The following NCOR1 variants were observed in gnomAD, a reference collection of about 807,000 sequenced individuals.
The protein encoded by NCOR1 is protein phosphatase 1, regulatory subunit 109.
NCOR1 carries 63 observed loss-of-function variants against 288.1 expected under a neutral mutation model. The observed-to-expected ratio is 0.22, with a 90% CI of 0.18 to 0.27. The LOEUF is 0.27. Ranked by LOEUF, NCOR1 falls within the 10% of genes least tolerant of loss-of-function variation. The pLI, the probability that NCOR1 is intolerant of heterozygous loss-of-function variation, is 1.00. For missense variants in NCOR1, 2,397 were observed against 3,019.2 expected (o/e 0.79, Z 4.83); for synonymous variants, 1,007 against 1,065.9 (o/e 0.94, Z 1.08).
In NCOR1 at chr17:16,080,537, A is replaced by G. The variant is rs756183581; in HGVS notation, c.3299-28T>C. 6.2e-6 allele frequency: 10 copies of G among 1,613,772 alleles called. No individual in the cohort carries two copies. In the East Asian group the frequency reaches 1.8e-4, roughly 29 times the overall value. Reference sequence around the variant, plus strand: ...GTGGAAAGGCAGAGAAACATGAAACAATCCAGTACTAAATTACTGGCTGTG... The same window carrying G: ...GTGGAAAGGCAGAGAAACATGAAACGATCCAGTACTAAATTACTGGCTGTG... On this transcript the variant is annotated intron_variant, in intron 24 of 45. Coordinates refer to ENST00000268712, the MANE Select transcript of NCOR1 (RefSeq NM_006311.4).
intron 34 of NCOR1, 126 bp downstream of exon 34, chr17:16,064,744 T>C (rs1351364370): frequency 3.3e-6 from 3 of 921,894 alleles, no homozygotes; most frequent in Non-Finnish European, 1.6e-6. Context: ...AGAACTACTA[T>C]TAAATGTTAA....
intron 1 of NCOR1, among the ~76,000 whole-genome samples, chr17:16,214,446 TG>T (rs1260712308): frequency 1.3e-5 from 2 of 152,188 alleles, no homozygotes; most frequent in Non-Finnish European, 2.9e-5. Flanking sequence ...ACACAAGGAA[TG>T]TAAATTTCAA....
chr17:16,092,647 TTATATATATA>T (rs10592611), intron 21 of NCOR1, among the ~76,000 whole-genome samples: 1,241 of 31,974 alleles, frequency 0.039, 73 homozygotes, highest in Non-Finnish European at 0.05. Flanking sequence ...TCAGATCCAT[TTATATATATA>T]TATATATATA....
intron 18 of NCOR1, among the ~76,000 whole-genome samples, chr17:16,113,223 A>AT (rs1334238963): frequency 6.7e-6 from 1 of 150,052 alleles, no homozygotes; most frequent in African/African-American, 2.5e-5. Context: ...CCAAGAATTT[A>AT]TTTTTTTAAT....
chr17:16,061,945 G>C, intron 36 of NCOR1, 51 bp from the exon 37 acceptor site: 2 of 1,568,642 alleles, frequency 1.3e-6, no homozygotes, highest in South Asian at 2.4e-5. Context: ...CATTTGCTGG[G>C]AATGTGGTGG....
chr17:16,056,071 AT>A lies in NCOR1; in HGVS notation c.6392+1442del, dbSNP rs565027135. Among the ~76,000 whole-genome samples, 90 of 147,104 alleles carry A rather than the reference AT, an allele frequency of 6.1e-4. 1 individual carries two copies. Among genetic ancestry groups the A allele is most frequent in the African/African-American group, 1.4e-3 (57 of 40,488 alleles). On this transcript the variant is annotated intron_variant, in intron 40 of 45. Transcript: ENST00000268712. ...TATGTATTTGAAAACTTCCACAATA[AT>A]TTTTTTTTTTAAAGAAGACCATTTA...
rs529787669 is a variant in NCOR1, at chr17:16,210,791, G to A, written c.-71+4571C>T. On this transcript the variant is annotated intron_variant, in intron 1 of 45. Coordinates refer to ENST00000268712, the MANE Select transcript of NCOR1 (RefSeq NM_006311.4). Reference sequence around the variant, plus strand: ...GTCACCCAGGCTGGAGTGCAGTGGCGCAATCTCGGCTTACTGCAAGCTCCG... The same window carrying A: ...GTCACCCAGGCTGGAGTGCAGTGGCACAATCTCGGCTTACTGCAAGCTCCG... 2.7e-5 allele frequency among the ~76,000 whole-genome samples: 4 copies of A among 150,850 alleles called. No individual in the cohort carries two copies. The East Asian group carries it at 7.8e-4, about 29-fold the overall frequency.
intron 1 of NCOR1, among the ~76,000 whole-genome samples, chr17:16,202,092 C>T (rs1286874455): frequency 1.3e-5 from 2 of 151,980 alleles, no homozygotes; most frequent in Admixed American, 6.6e-5. Flanking sequence ...GGCGTAGTGG[C>T]GCACGCCTGT....
intron 26 of NCOR1, among the ~76,000 whole-genome samples, chr17:16,077,127 T>G (rs1486364824): frequency 6.6e-6 from 1 of 152,124 alleles, no homozygotes; most frequent in Admixed American, 6.5e-5. Flanking sequence ...CTGGCTGTGG[T>G]GGCTTGCGCC....
chr17:16,032,589 T>C (rs1367569318), intron 45 of NCOR1, 106 bp from the exon 46 acceptor site: 2 of 1,108,376 alleles, frequency 1.8e-6, no homozygotes, highest in East Asian at 2.6e-5. Context: ...AAAATGGTCA[T>C]GTGACACCAT....
intron 1 of NCOR1, among the ~76,000 whole-genome samples, chr17:16,196,550 G>A (rs543349971): frequency 5.3e-4 from 81 of 152,262 alleles, no homozygotes; most frequent in Non-Finnish European, 7.6e-4. Context: ...AGGCGGCTGG[G>A]CGTGGTGGCT....
At chr17:16,044,696 G>C in intron 42 of NCOR1, 1 of 690,608 alleles carries the variant, frequency 1.4e-6, no homozygotes, top group African/African-American at 1.8e-5. Context: ...CATCACGGAG[G>C]ATAAGATCAA....
At chr17:16,166,776 A>G (rs565105841) in intron 4 of NCOR1, among the ~76,000 whole-genome samples, 12 of 152,128 alleles carry the variant, frequency 7.9e-5, no homozygotes, top group African/African-American at 2.4e-4. Context: ...AAAAAAAAAT[A>G]CAAGAAAATT....
chr17:16,031,616 A>T lies in NCOR1; in HGVS notation c.*680T>A. ...GTGCTACTAATGAAAAAAAAAAATT[A>T]AAGCCTGCACTGGAAATTTACAATA... On this transcript the variant is annotated 3_prime_UTR_variant, in exon 46 of 46. Coordinates refer to ENST00000268712, the MANE Select transcript of NCOR1 (RefSeq NM_006311.4). 1 of 224,658 alleles carries T rather than the reference A, an allele frequency of 4.5e-6. No individual in the cohort carries two copies. The highest frequency in any genetic ancestry group is 6.5e-5 in the East Asian group (1 of 15,424). 13.9% of individuals were successfully genotyped at this position (224,658 alleles called of 1,614,324 possible). A position where few individuals can be genotyped will look rare whatever the true frequency, so the allele number is the denominator to read the frequency against.
At chr17:16,059,065 A>G (rs1840087810) in intron 37 of NCOR1, among the ~76,000 whole-genome samples, 2 of 150,936 alleles carry the variant, frequency 1.3e-5, no homozygotes, top group African/African-American at 4.9e-5. Context: ...AAAAAAAAAA[A>G]AAAAAAAAAA....
chr17:16,194,543 G>T lies in NCOR1; in HGVS notation c.27C>A (p.Asn9Lys). 3 of 1,607,426 alleles carry T rather than the reference G, an allele frequency of 1.9e-6. No individual in the cohort carries two copies. Among genetic ancestry groups the T allele is most frequent in the Non-Finnish European group, 8.5e-7 (1 of 1,176,560 alleles). Residue 9 changes from asparagine (N) to lysine (K), a missense_variant, in exon 2 of 46, where the codon AAC (asparagine) becomes AAA (lysine). Physicochemically the swap from Asn to Lys is moderately conservative, Grantham distance 94. Coordinates refer to ENST00000268712, the MANE Select transcript of NCOR1 (RefSeq NM_006311.4). MSSSGYPP[N>K]QGAFSTEQSR... ...TTTGTTCTGTGCTGAATGCTCCTTG[G>T]TTGGGAGGATAACCTGAACTTGACA... is the stretch of plus-strand genomic sequence containing the variant.
chr17:16,042,093 C>T (rs1353825090), intron 42 of NCOR1, among the ~76,000 whole-genome samples: 1 of 152,104 alleles, frequency 6.6e-6, no homozygotes. Context: ...GGGCTGAGCA[C>T]ATGAGAGGAG....
At chr17:16,104,773 C>CA (rs1203179648) in intron 19 of NCOR1, among the ~76,000 whole-genome samples, 2 of 151,598 alleles carry the variant, frequency 1.3e-5, no homozygotes, top group African/African-American at 2.4e-5. Context: ...GACCCTGTCT[C>CA]AAAAAAACAA....
At chr17:16,063,379 C>CTAA (rs2060751966) in intron 35 of NCOR1, among the ~76,000 whole-genome samples, 1 of 152,098 alleles carries the variant, frequency 6.6e-6, no homozygotes, top group African/African-American at 2.4e-5. Context: ...GACAGGGTCT[C>CTAA]ACCATGTTGC....
Sources: allele counts gnomAD v4.1 joint callset (sites outside exome capture counted in the v4.1 genomes callset), GRCh38; gene constraint gnomAD v4.1.1; transcripts MANE v1.5; gene names NCBI Gene and HGNC (gene_info 2026-07-23, HGNC 2026-07-21).